MRAP2: variants seen among roughly 807,000 people sequenced by gnomAD.
MRAP2 encodes melanocortin-2 receptor accessory protein 2.
A neutral mutation model predicts 17.4 loss-of-function variants in MRAP2; 20 were observed. The observed-to-expected ratio is 1.15, with a 90% CI of 0.81 to 1.67. MRAP2 has a LOEUF of 1.67. Ranked by LOEUF, MRAP2 falls within the 40% of genes most tolerant of loss-of-function variation. MRAP2 has a pLI of 0.00. For synonymous variants in MRAP2, 96 were observed against 88.4 expected, an observed-to-expected ratio of 1.09 and a Z score of -0.48; for missense variants, 238 against 240.0, an observed-to-expected ratio of 0.99 and a Z score of 0.05.
At chr6:84,099,456 ATGTTTAAATG>A in the MRAP2 span, among the ~76,000 whole-genome samples, 2 of 152,154 alleles carry the variant, frequency 1.3e-5, no homozygotes, top group Non-Finnish European at 2.9e-5. Flanking sequence ...TCCAAATCTC[ATGTTTAAATG>A]TAACCTCCGA....
In MRAP2 at chr6:84,033,857, A is replaced by T. The variant is rs1479896808; in HGVS notation, c.-34A>T. ...GAGCCAGGAGCCGGAACCAGGGCCG[A>T]GCCCGCGGGCCGGGGCTAGCCAGCC... On this transcript the variant is annotated 5_prime_UTR_variant, in exon 1 of 4. Coordinates refer to ENST00000257776, the MANE Select transcript of MRAP2 (RefSeq NM_138409.4). 5.1e-6 allele frequency: 5 copies of T among 986,298 alleles called. No individual in the cohort carries two copies. The highest frequency in any genetic ancestry group is 6.0e-6 in the Non-Finnish European group (5 of 830,606). The allele number at this position is 986,298 out of a possible 1,614,324, so 61.1% of individuals were successfully genotyped here. A position where few individuals can be genotyped will look rare whatever the true frequency, so the allele number is the denominator to read the frequency against.
At chr6:84,113,351 C>CT in the MRAP2 span, among the ~76,000 whole-genome samples, 1 of 152,186 alleles carries the variant, frequency 6.6e-6, no homozygotes, top group East Asian at 1.9e-4. Context: ...TAATACCCTT[C>CT]TTTGTCTCAT....
intron 3 of MRAP2, among the ~76,000 whole-genome samples, chr6:84,073,231 G>C (rs951266477): frequency 1.3e-5 from 2 of 152,186 alleles, no homozygotes; most frequent in African/African-American, 4.8e-5. Context: ...TGGCCTGCTT[G>C]TGGACCCAGC....
At chr6:84,083,072 C>T (rs1185422512) in intron 3 of MRAP2, among the ~76,000 whole-genome samples, 1 of 152,022 alleles carries the variant, frequency 6.6e-6, no homozygotes, top group Admixed American at 6.5e-5. Context: ...AAAAAGAGTA[C>T]AGAGACAGGA....
At chr6:84,048,694 G>T (rs2099489648) in intron 1 of MRAP2, among the ~76,000 whole-genome samples, 1 of 152,118 alleles carries the variant, frequency 6.6e-6, no homozygotes, top group Non-Finnish European at 1.5e-5. Flanking sequence ...GGAGCATTAG[G>T]GTCCTGTTTT....
chr6:84,045,853 T>C (rs1389208980), intron 1 of MRAP2, among the ~76,000 whole-genome samples: 1 of 152,200 alleles, frequency 6.6e-6, no homozygotes, highest in African/African-American at 2.4e-5. Flanking sequence ...ACACCCATAA[T>C]ACAAATAGAT....
the MRAP2 span, among the ~76,000 whole-genome samples, chr6:84,121,077 AT>A: frequency 0.16 from 22,232 of 141,670 alleles, 4,715 homozygotes; most frequent in African/African-American, 0.49. Context: ...TTATTTTTTA[AT>A]TTTTTTTTTT....
chr6:84,085,084 C>G (rs1010192522), intron 3 of MRAP2, among the ~76,000 whole-genome samples: 4 of 151,530 alleles, frequency 2.6e-5, no homozygotes, highest in Non-Finnish European at 4.4e-5. Context: ...GAGACAGAGT[C>G]TCACTCTGTC....
At chr6:84,093,370 C>T (rs1044478172), downstream of MRAP2, among the ~76,000 whole-genome samples, 3 of 152,078 alleles carry the variant, frequency 2.0e-5, no homozygotes, top group Non-Finnish European at 4.4e-5. Flanking sequence ...TTGGTTTGTG[C>T]CTGGTCAGCC....
At chr6:84,110,795 G>C in the MRAP2 span, among the ~76,000 whole-genome samples, 1 of 152,098 alleles carries the variant, frequency 6.6e-6, no homozygotes, top group Non-Finnish European at 1.5e-5. Context: ...TAAGGAAGGG[G>C]TTCAGTTTCA....
At chr6:84,064,515 T>A (rs2099494052) in intron 3 of MRAP2, among the ~76,000 whole-genome samples, 1 of 151,880 alleles carries the variant, frequency 6.6e-6, no homozygotes, top group South Asian at 2.1e-4. Flanking sequence ...TGAGACGGAG[T>A]CTTGCTCTGT....
the MRAP2 span, among the ~76,000 whole-genome samples, chr6:84,145,406 C>A: frequency 6.6e-6 from 1 of 152,080 alleles, no homozygotes; most frequent in African/African-American, 2.4e-5. Context: ...ACTTTTTATG[C>A]AAATAACCAA....
intron 3 of MRAP2, among the ~76,000 whole-genome samples, chr6:84,073,190 G>A (rs766919662): frequency 6.6e-6 from 1 of 152,160 alleles, no homozygotes; most frequent in Non-Finnish European, 1.5e-5. Context: ...TGGCCGCCCT[G>A]CCTATATATT....
chr6:84,136,733 A>G, the MRAP2 span, among the ~76,000 whole-genome samples: 1 of 152,326 alleles, frequency 6.6e-6, no homozygotes, highest in South Asian at 2.1e-4. Flanking sequence ...AAAAAATGCT[A>G]TGAAGGTCTT....
At chr6:84,082,320 C>A (rs1196136605) in intron 3 of MRAP2, among the ~76,000 whole-genome samples, 2 of 152,148 alleles carry the variant, frequency 1.3e-5, no homozygotes, top group African/African-American at 2.4e-5. Context: ...CTTTTTCTCT[C>A]TCGTATTAGT....
the MRAP2 span, among the ~76,000 whole-genome samples, chr6:84,130,755 TTTA>T: frequency 3.9e-5 from 6 of 152,108 alleles, no homozygotes; most frequent in Middle Eastern, 3.4e-3. Context: ...TCTTCTCTTC[TTTA>T]TTAATTTGGC....
the MRAP2 span, among the ~76,000 whole-genome samples, chr6:84,129,290 T>A: frequency 4.7e-4 from 72 of 152,322 alleles, no homozygotes; most frequent in African/African-American, 1.7e-3. Context: ...GTGGTTGAAC[T>A]AATTTACACT....
At chr6:84,125,077 T>C in the MRAP2 span, 1 of 1,610,634 alleles carries the variant, frequency 6.2e-7, no homozygotes, top group South Asian at 1.1e-5. Context: ...CTATTAATAC[T>C]CTGGTGCATT....
chr6:84,059,662 T>C (rs1023904665), intron 2 of MRAP2, among the ~76,000 whole-genome samples: 23 of 152,184 alleles, frequency 1.5e-4, no homozygotes, highest in Middle Eastern at 3.2e-3. Context: ...TCTGACGCAT[T>C]CCATTTGCAA....
Sources: allele counts gnomAD v4.1 joint callset (sites outside exome capture counted in the v4.1 genomes callset), GRCh38; gene constraint gnomAD v4.1.1; transcripts MANE v1.5; gene names NCBI Gene and HGNC (gene_info 2026-07-23, HGNC 2026-07-21).